HDAC4: variants seen among roughly 807,000 people sequenced by gnomAD.
HDAC4 encodes histone deacetylase A.
A neutral mutation model predicts 135.1 loss-of-function variants in HDAC4; 16 were observed. That is an observed-to-expected ratio of 0.12 (90% CI 0.08 to 0.18). HDAC4 has a LOEUF of 0.18. HDAC4 is among the 10% of genes least tolerant of loss of function. HDAC4 has a pLI of 1.00. For synonymous variants in HDAC4, 685 were observed against 653.4 expected (o/e 1.05, Z -0.74); for missense variants, 1,143 against 1,511.8 (o/e 0.76, Z 4.05).
chr2:239,345,733 TACAC>T (rs557286844), intron 2 of HDAC4, among the ~76,000 whole-genome samples: 271 of 133,764 alleles, frequency 2.0e-3, no homozygotes, highest in African/African-American at 7.5e-3. Flanking sequence ...CTAACACACA[TACAC>T]ACCGTCTAAA....
intron 1 of HDAC4, among the ~76,000 whole-genome samples, chr2:239,364,382 C>CAGAT (rs1206829450): frequency 1.3e-5 from 2 of 152,214 alleles, no homozygotes; most frequent in Non-Finnish European, 2.9e-5. Context: ...TGCAGTGACA[C>CAGAT]AGATAAATCA....
In HDAC4 at chr2:239,115,004, G is replaced by A. The variant is rs768112028; in HGVS notation, c.1791+49C>T. 9.9e-5 allele frequency: 158 copies of A among 1,599,862 alleles called. No individual in the cohort carries two copies. The highest frequency in any genetic ancestry group is 1.2e-4 in the Non-Finnish European group (142 of 1,177,144). ...ACAGAAGATGCCACCTGGGGACCGA[G>A]GGTGGCTGTGCGTGCCAGCCTTCTG... On this transcript the variant is annotated intron_variant, in intron 13 of 26. Coordinates refer to ENST00000543185, the MANE Select transcript of HDAC4 (RefSeq NM_001378414.1). This position sits in a 1 kb window ranked among gnomAD's most constrained non-coding sequence, Gnocchi z 6.3.
intron 12 of HDAC4, among the ~76,000 whole-genome samples, chr2:239,126,186 T>A (rs1482816465): frequency 6.6e-6 from 1 of 152,192 alleles, no homozygotes; most frequent in Admixed American, 6.5e-5. Context: ...CCAACGGAAC[T>A]CACACGGGCT....
chr2:239,237,948 G>A (rs1289935125), intron 2 of HDAC4, among the ~76,000 whole-genome samples: 1 of 152,202 alleles, frequency 6.6e-6, no homozygotes, highest in Non-Finnish European at 1.5e-5. Context: ...ATATTCGGAG[G>A]CAAAACAGTT....
At chr2:239,142,443 T>C (rs3791478) in intron 8 of HDAC4, among the ~76,000 whole-genome samples, 30,531 of 152,214 alleles carry the variant, frequency 0.2, 4,715 homozygotes, top group African/African-American at 0.43. Flanking sequence ...GGCCAGGAGA[T>C]GCACAACCCT....
intron 1 of HDAC4, among the ~76,000 whole-genome samples, chr2:239,386,152 C>G (rs1252646245): frequency 6.6e-6 from 1 of 151,794 alleles, no homozygotes. Context: ...AGAGTCGGAG[C>G]ACAGGGAAGA....
At chr2:239,296,465 T>C (rs984407560) in intron 2 of HDAC4, among the ~76,000 whole-genome samples, 3 of 152,232 alleles carry the variant, frequency 2.0e-5, no homozygotes, top group Non-Finnish European at 2.9e-5. Context: ...GGCAGCCAGC[T>C]GAGTGCTGAC....
At chr2:239,124,026 G>A (rs978379153) in intron 12 of HDAC4, among the ~76,000 whole-genome samples, 2 of 151,638 alleles carry the variant, frequency 1.3e-5, no homozygotes, top group East Asian at 3.9e-4. Context: ...AGTGAGGGGG[G>A]CACTTTCACA....
rs546761216 is a variant in HDAC4, at chr2:239,306,335, G to A, written c.22+46343C>T. Among the ~76,000 whole-genome samples the A allele has an allele frequency of 3.3e-5, 5 of 152,160 alleles. No individual in the cohort carries two copies. Among genetic ancestry groups the A allele is most frequent in the African/African-American group, 4.8e-5 (2 of 41,438 alleles). On this transcript the variant is annotated intron_variant, in intron 2 of 26. Coordinates refer to ENST00000543185, the MANE Select transcript of HDAC4 (RefSeq NM_001378414.1). This position sits in a 1 kb window ranked among gnomAD's most constrained non-coding sequence, Gnocchi z 4.5. ...GTGGGTGAGCTCCCACCCAGGTCCA[G>A]CAAGTCAGTGACTACAACAGAGGAC...
intron 2 of HDAC4, among the ~76,000 whole-genome samples, chr2:239,311,150 C>T (rs72992639): frequency 0.011 from 1,671 of 152,304 alleles, 21 homozygotes; most frequent in Non-Finnish European, 0.015. Flanking sequence ...CTCCACTTTA[C>T]AACCCCGCAG....
rs1425197729 is a variant in HDAC4 at position 239,052,635 on chromosome 2, C to T, written c.*462G>A. 5.5e-5 allele frequency: 10 copies of T among 180,202 alleles called. No homozygotes were observed. Among genetic ancestry groups the T allele is most frequent in the Non-Finnish European group, 9.6e-5 (8 of 83,488 alleles). The allele number at this position is 180,202 out of a possible 1,614,324, so 11.2% of individuals were successfully genotyped here. On this transcript the variant is annotated 3_prime_UTR_variant, in exon 27 of 27. Coordinates refer to ENST00000543185, the MANE Select transcript of HDAC4 (RefSeq NM_001378414.1). Reference sequence around the variant, plus strand: ...AAAAAAAATAAGCTACAAGATGAGTCGAGTGGTTTACACAGAGACTGTGGA... The same window carrying T: ...AAAAAAAATAAGCTACAAGATGAGTTGAGTGGTTTACACAGAGACTGTGGA...
Position 239,101,878 on chromosome 2 carries a change from C to T in HDAC4, c.2233+898G>A, listed in dbSNP as rs1233455346. Among the ~76,000 whole-genome samples the T allele has an allele frequency of 1.3e-5, 2 of 151,026 alleles. 1 individual carries two copies. The highest frequency in any genetic ancestry group is 1.3e-4 in the Admixed American group (2 of 15,214). Reference sequence around the variant, plus strand: ...GGTTCTGTGCCCTGGACACCCCCGGCCCCGGGTCTGGGTTCTGTGCCCTGG... The same window carrying T: ...GGTTCTGTGCCCTGGACACCCCCGGTCCCGGGTCTGGGTTCTGTGCCCTGG... On this transcript the variant is annotated intron_variant, in intron 16 of 26. Transcript: ENST00000543185.
At chr2:239,208,166 C>CA (rs56710767) in intron 3 of HDAC4, among the ~76,000 whole-genome samples, 20,057 of 140,748 alleles carry the variant, frequency 0.14, 1,442 homozygotes, top group African/African-American at 0.18. Flanking sequence ...ACTAAAAATA[C>CA]AAAAAAAAAA....
At chr2:239,169,477 G>A (rs960373144) in intron 5 of HDAC4, among the ~76,000 whole-genome samples, 1 of 152,240 alleles carries the variant, frequency 6.6e-6, no homozygotes, top group Non-Finnish European at 1.5e-5. Context: ...AAAGTGGAAA[G>A]CAACCCCACA....
chr2:239,223,262 C>A (rs291331), intron 3 of HDAC4, among the ~76,000 whole-genome samples: 135,351 of 152,252 alleles, frequency 0.89, 60,236 homozygotes, highest in South Asian at 0.97. Context: ...AAAATAGAAA[C>A]CATTGGAGAA....
At chr2:239,366,179 CTA>C (rs1694201948) in intron 1 of HDAC4, among the ~76,000 whole-genome samples, 1 of 148,022 alleles carries the variant, frequency 6.8e-6, no homozygotes, top group African/African-American at 2.5e-5. Flanking sequence ...GCGTGTGGCA[CTA>C]TGTGACACAT....
At chr2:239,364,560 G>A (rs745800870) in intron 1 of HDAC4, among the ~76,000 whole-genome samples, 6 of 147,836 alleles carry the variant, frequency 4.1e-5, no homozygotes, top group Non-Finnish European at 7.7e-5. Flanking sequence ...CAAGGGAGCG[G>A]TGGCGGGGGG....
chr2:239,179,868 G>C (rs1210944756), intron 4 of HDAC4, among the ~76,000 whole-genome samples: 1 of 152,282 alleles, frequency 6.6e-6, no homozygotes, highest in Non-Finnish European at 1.5e-5. Context: ...GCTGCTCCAA[G>C]ACAACAGGGC....
chr2:239,107,952 C>A, intron 15 of HDAC4, 98 bp downstream of exon 15: 1 of 1,492,464 alleles, frequency 6.7e-7, no homozygotes, highest in Non-Finnish European at 9.2e-7. Context: ...CCCAAAGAAC[C>A]ACCTGCAAAA....
Sources: allele counts gnomAD v4.1 joint callset (sites outside exome capture counted in the v4.1 genomes callset), GRCh38; gene constraint gnomAD v4.1.1; non-coding constraint Gnocchi (gnomAD v3.1); transcripts MANE v1.5; gene names NCBI Gene and HGNC (gene_info 2026-07-23, HGNC 2026-07-21).